MSLN: variants seen among roughly 807,000 people sequenced by gnomAD.
The protein encoded by MSLN is CAK1 antigen.
In MSLN, 82 loss-of-function variants were observed where a neutral mutation model predicts 72.6. That is an observed-to-expected ratio of 1.13 (90% CI 0.94 to 1.36). The LOEUF is 1.36. Ranked by LOEUF, MSLN falls within the 40% of genes most tolerant of loss-of-function variation. MSLN has a pLI of 0.00. For synonymous variants in MSLN, 456 were observed against 387.3 expected (o/e 1.18, Z -2.08); for missense variants, 1,005 against 847.9 (o/e 1.19, Z -2.30).
In MSLN at chr16:765,741, G is replaced by T. The variant is rs376378810; in HGVS notation, c.846G>T (p.Arg282=). ...GCTCCTCTCGGGACCCATCCTGGCG[G>T]CAGCCTGAACGGACCATCCTCCGGC... ...RQRSSRDPSW[R]QPERTILRPR... Residue 282 remains arginine, a synonymous_variant, in exon 11 of 18, where the codon CGG becomes CGT. Coordinates refer to ENST00000545450, the MANE Select transcript of MSLN (RefSeq NM_005823.6). The T allele has an allele frequency of 6.9e-6, 11 of 1,600,682 alleles. No homozygotes were observed. In the African/African-American group the frequency reaches 1.5e-4, roughly 21 times the overall value.
chr16:768,073 G>T (rs556292209), intron 16 of MSLN, among the ~76,000 whole-genome samples: 2 of 116,278 alleles, frequency 1.7e-5, no homozygotes, highest in African/African-American at 3.4e-5. Context: ...CACATGGAGG[G>T]GGGGGCAAGT....
At position 761,193 on chromosome 16, in the gene MSLN, G is replaced by A. The variant is rs545193603; in HGVS notation, c.-10+19G>A. 2 of 152,414 alleles carry A rather than the reference G, an allele frequency of 1.3e-5. No homozygotes were observed. Among genetic ancestry groups the A allele is most frequent in the African/African-American group, 4.8e-5 (2 of 41,584 alleles). 9.4% of individuals were successfully genotyped at this position (152,414 alleles called of 1,614,324 possible). A position where few individuals can be genotyped will look rare whatever the true frequency, so the allele number is the denominator to read the frequency against. ...GGGATCTGTAAGTAACAACCTTTGA[G>A]CTCTTCCTGTTGTGGTGTGGATGGA... is the stretch of plus-strand genomic sequence containing the variant. On this transcript the variant is annotated intron_variant, in intron 2 of 17. Coordinates refer to ENST00000545450, the MANE Select transcript of MSLN (RefSeq NM_005823.6).
At chr16:762,349 G>A (rs2041546226) in intron 2 of MSLN, among the ~76,000 whole-genome samples, 1 of 152,226 alleles carries the variant, frequency 6.6e-6, no homozygotes, top group Non-Finnish European at 1.5e-5. Flanking sequence ...GCCCAAGTGG[G>A]CGGCGGCCCC....
At chr16:762,500 G>C in intron 2 of MSLN, 172 bp from the exon 3 acceptor site, 1 of 614,886 alleles carries the variant, frequency 1.6e-6, no homozygotes. Flanking sequence ...CCAGTCCAGG[G>C]GACAGAGGGC....
rs1596688302 is a variant in MSLN, at chr16:762,250, G to A, written c.-9-422G>A. On this transcript the variant is annotated intron_variant, in intron 2 of 17. Coordinates refer to ENST00000545450, the MANE Select transcript of MSLN (RefSeq NM_005823.6). ...GGGTGTTCACAAAGCCCAGGCACCT[G>A]CAGCTGAGGGCAGGGGAGAGGGAAG... Among the ~76,000 whole-genome samples, 6 of 152,364 alleles carry A rather than the reference G, an allele frequency of 3.9e-5. 1 individual carries two copies. The South Asian group carries it at 1.2e-3, about 32-fold the overall frequency.
chr16:767,400 A>G lies in MSLN; in HGVS notation c.1526A>G (p.Lys509Arg). 6.2e-7 allele frequency: 1 copy of G among 1,603,714 alleles called. No homozygotes were observed. The highest frequency in any genetic ancestry group is 8.5e-7 in the Non-Finnish European group (1 of 1,175,258). The change falls in exon 16 of 18, where the codon AAG (lysine) becomes AGG (arginine). Residue 509 changes from lysine to arginine, a missense_variant. Transcript: ENST00000545450. ...FLGGAPTEDL[K>R]ALSQQNVSMD... ...GGTGGGGCCCCCACGGAGGATTTGA[A>G]GGCGCTCAGTCAGCAGAATGTGAGC...
intron 15 of MSLN, 113 bp downstream of exon 15, chr16:767,125 G>A (rs1187655371): frequency 8.6e-6 from 13 of 1,512,222 alleles, no homozygotes; most frequent in Non-Finnish European, 1.2e-5. Context: ...GGGTAACTGG[G>A]TGGTCACCCG....
Position 767,103 on chromosome 16 carries a change from C to T in MSLN, c.1501+91C>T, listed in dbSNP as rs941970808. The T allele has an allele frequency of 3.2e-4, 506 of 1,573,912 alleles. 1 individual carries two copies. Among genetic ancestry groups the T allele is most frequent in the East Asian group, 1.8e-3 (79 of 44,514 alleles). ...GTGCCAGGCCTTTGCCTCGCCGGGC[C>T]GTCTGCTGCCAGGGTAACTGGGTGG... is the stretch of plus-strand genomic sequence containing the variant. On this transcript the variant is annotated intron_variant, in intron 15 of 17. Transcript: ENST00000545450.
At position 768,789 on chromosome 16, in the gene MSLN, G is replaced by A; in HGVS notation, c.*56G>A. 3 of 1,558,508 alleles carry A rather than the reference G, an allele frequency of 1.9e-6. No homozygotes were observed. On this transcript the variant is annotated 3_prime_UTR_variant, in exon 18 of 18. Coordinates refer to ENST00000545450, the MANE Select transcript of MSLN (RefSeq NM_005823.6). ...GCTGGGGATCCCCGCCTGGCCAGGAGCAGGCACGGGTGGTCCCCGTTCCAC... is the reference window on the plus strand; with the variant it reads ...GCTGGGGATCCCCGCCTGGCCAGGAACAGGCACGGGTGGTCCCCGTTCCAC...
At position 765,146 on chromosome 16, in the gene MSLN, C is replaced by A; in HGVS notation, c.547C>A (p.Arg183=). 1 of 1,603,282 alleles carries A rather than the reference C, an allele frequency of 6.2e-7. No homozygotes were observed. ...RGSLLSEADV[R]ALGGLACDLP... ...GTCTCTGCTGAGCGAGGCTGATGTG[C>A]GGGCTCTGGGAGGCCTGGCTTGCGA... The change falls in exon 9 of 18, where the codon CGG becomes AGG. Residue 183 remains arginine (R), a synonymous_variant. Coordinates refer to ENST00000545450, the MANE Select transcript of MSLN (RefSeq NM_005823.6).
At position 768,436 on chromosome 16, in the gene MSLN, G is replaced by A. The variant is rs139663271; in HGVS notation, c.1654G>A (p.Ala552Thr). The A allele has an allele frequency of 2.6e-5, 39 of 1,523,768 alleles. No individual in the cohort carries two copies. The African/African-American group carries it at 4.7e-4, about 18-fold the overall frequency. The allele number at this position is 1,523,768 out of a possible 1,614,324, so 94.4% of individuals were successfully genotyped here. A position where few individuals can be genotyped will look rare whatever the true frequency, so the allele number is the denominator to read the frequency against. Residue 552 changes from alanine to threonine, a missense_variant, in exon 17 of 18, where the codon GCG becomes ACG. Coordinates refer to ENST00000545450, the MANE Select transcript of MSLN (RefSeq NM_005823.6). ...GGGACCCCACGTGGAGGGCCTGAAGGCGGAGGAGCGGCACCGCCCGGTGCG... is the reference window on the plus strand; with the variant it reads ...GGGACCCCACGTGGAGGGCCTGAAGACGGAGGAGCGGCACCGCCCGGTGCG... The part of the protein sequence containing the change: ...LLGPHVEGLK[A>T]EERHRPVRDW...
intron 3 of MSLN, 69 bp downstream of exon 3, chr16:762,834 A>G (rs2041553544): frequency 7.5e-7 from 1 of 1,326,062 alleles, no homozygotes; most frequent in Non-Finnish European, 1.0e-6. Flanking sequence ...GGCCCCCAGC[A>G]AGGCTTTGCC....
At position 766,100 on chromosome 16, in the gene MSLN, G is replaced by C; in HGVS notation, c.937G>C (p.Glu313Gln). The change falls in exon 12 of 18, where the codon GAG (glutamate) becomes CAG (glutamine). Residue 313 changes from glutamate (E) to glutamine (Q), a missense_variant. Physicochemically the swap from Glu to Gln is conservative, Grantham distance 29. Transcript: ENST00000545450. ...PSGKKAREID[E>Q]SLIFYKKWEL... ...AGGCAAGAAGGCCCGCGAGATAGAC[G>C]AGAGCCTCATCTTCTACAAGAAGTG... 1 of 1,612,588 alleles carries C rather than the reference G, an allele frequency of 6.2e-7. No homozygotes were observed. The highest frequency in any genetic ancestry group is 1.1e-5 in the South Asian group (1 of 91,084).
intron 16 of MSLN, 116 bp from the exon 17 acceptor site, chr16:768,263 G>A (rs1216847268): frequency 1.9e-6 from 2 of 1,074,438 alleles, no homozygotes; most frequent in East Asian, 5.2e-5. Flanking sequence ...GAAGTCTGGA[G>A]AGGCTGCGGT....
At chr16:763,400 G>A (rs2041561288) in intron 4 of MSLN, 124 bp downstream of exon 4, 1 of 941,282 alleles carries the variant, frequency 1.1e-6, no homozygotes, top group South Asian at 1.5e-5. Flanking sequence ...TTGCAAAGGG[G>A]CACCTGGACC....
At position 766,661 on chromosome 16, in the gene MSLN, C is replaced by A; in HGVS notation, c.1231-7C>A. ...GCCACAAGGCTCCTCGGCGGCCCCT[C>A]CCACAGGTGGCCACCCTGATCGACC... On this transcript the variant is annotated splice_region_variant and splice_polypyrimidine_tract_variant and intron_variant, in intron 13 of 17. Transcript: ENST00000545450. 1 of 1,612,306 alleles carries A rather than the reference C, an allele frequency of 6.2e-7. No homozygotes were observed. The highest frequency in any genetic ancestry group is 8.5e-7 in the Non-Finnish European group (1 of 1,179,832).
chr16:766,628 C>T, intron 13 of MSLN, 40 bp from the exon 14 acceptor site: 1 of 1,611,674 alleles, frequency 6.2e-7, no homozygotes. Flanking sequence ...AGGGATACAT[C>T]TCTCCTTGCC....
At chr16:762,381 C>T (rs2041546582) in intron 2 of MSLN, 4 of 441,188 alleles carry the variant, frequency 9.1e-6, no homozygotes, top group South Asian at 8.3e-5. Flanking sequence ...CTAAGCTCTG[C>T]TCACACTGCC....
chr16:765,243 T>C lies in MSLN; in HGVS notation c.644T>C (p.Leu215Pro), dbSNP rs1247918452. 3 of 1,584,514 alleles carry C rather than the reference T, an allele frequency of 1.9e-6. No homozygotes were observed. The African/African-American group carries it at 4.0e-5, about 21-fold the overall frequency. ...CGGCTGGTGAGCTGCCCGGGACCCC[T>C]GGACCAGGACCAGCAGGAGGCAGCC... ...LPRLVSCPGP[L>P]DQDQQEAARA... is the part of the protein sequence containing the mutation. Residue 215 changes from leucine (L) to proline (P), a missense_variant, in exon 9 of 18, where the codon CTG becomes CCG. Transcript: ENST00000545450.
Sources: allele counts gnomAD v4.1 joint callset (sites outside exome capture counted in the v4.1 genomes callset), GRCh38; gene constraint gnomAD v4.1.1; transcripts MANE v1.5; gene names NCBI Gene and HGNC (gene_info 2026-07-23, HGNC 2026-07-21).